HK2: variants seen among roughly 807,000 people sequenced by gnomAD.
The protein encoded by HK2 is hexokinase-2.
HK2 carries 42 observed loss-of-function variants against 92.9 expected under a neutral mutation model. The observed-to-expected ratio is 0.45, with a 90% confidence interval of 0.35 to 0.58. HK2 has a LOEUF of 0.58. Ranked by LOEUF, HK2 falls within the 20% of genes least tolerant of loss-of-function variation. HK2 has a pLI of 0.00. For synonymous variants in HK2, 422 were observed against 468.0 expected (o/e 0.90, Z 1.27); for missense variants, 978 against 1,245.1 (o/e 0.79, Z 3.23).
chr2:74,878,890 G>A lies in HK2; in HGVS notation c.1234G>A (p.Val412Ile), dbSNP rs1573385648. Residue 412 changes from valine to isoleucine, a missense_variant, in exon 9 of 18, where the codon GTC (valine) becomes ATC (isoleucine). By Grantham distance (29) the Val-to-Ile change is conservative. Transcript: ENST00000290573. Reference protein sequence around the residue: ...GEERLRSTIGVDGSVYKKHPH... With the variant: ...GEERLRSTIGIDGSVYKKHPH... The stretch of plus-strand genomic sequence containing the variant: ...GGAGCGGCTGCGCTCTACTATTGGG[G>A]TCGACGGTTCCGTCTACAAGAAACA... The A allele has an allele frequency of 6.4e-7, 1 of 1,551,604 alleles. No individual in the cohort carries two copies. Among genetic ancestry groups the A allele is most frequent in the Non-Finnish European group, 8.7e-7 (1 of 1,147,090 alleles).
At position 74,834,764 on chromosome 2, in the gene HK2, A is replaced by G; in HGVS notation, c.63+121A>G. On this transcript the variant is annotated intron_variant, in intron 1 of 17. Coordinates refer to ENST00000290573, the MANE Select transcript of HK2 (RefSeq NM_000189.5). This position sits in a 1 kb window ranked among gnomAD's most constrained non-coding sequence, Gnocchi z 4.2. ...CCTACTCCGGGCCTGGGAGCGGAAA[A>G]AGTTTGGGCAGCCGGGACACTCCTG... is the stretch of plus-strand genomic sequence containing the variant. 11 of 1,083,984 alleles carry G rather than the reference A, an allele frequency of 1.0e-5. No individual in the cohort carries two copies. Among genetic ancestry groups the G allele is most frequent in the Non-Finnish European group, 1.5e-5 (11 of 714,190 alleles). 67.1% of individuals were successfully genotyped at this position (1,083,984 alleles called of 1,614,324 possible).
At chr2:74,841,817 T>C (rs970401802) in intron 1 of HK2, among the ~76,000 whole-genome samples, 29 of 152,226 alleles carry the variant, frequency 1.9e-4, no homozygotes, top group African/African-American at 7.0e-4. Flanking sequence ...TGCTGTAGTT[T>C]CCATGGAGGC....
At chr2:74,857,361 T>C (rs777911400) in intron 2 of HK2, among the ~76,000 whole-genome samples, 1 of 152,236 alleles carries the variant, frequency 6.6e-6, no homozygotes, top group Non-Finnish European at 1.5e-5. Context: ...CATTGGATGG[T>C]GTCTTAGTTC....
intron 1 of HK2, among the ~76,000 whole-genome samples, chr2:74,850,878 AG>A (rs1436791282): frequency 6.6e-6 from 1 of 152,164 alleles, no homozygotes; most frequent in Non-Finnish European, 1.5e-5. Context: ...GGCCCTAATA[AG>A]CTGAGTGGAC....
At chr2:74,859,088 CCAAA>C (rs1300869549) in intron 2 of HK2, among the ~76,000 whole-genome samples, 2 of 152,196 alleles carry the variant, frequency 1.3e-5, no homozygotes, top group East Asian at 1.9e-4. Context: ...TGCTTCTTTC[CCAAA>C]CAGTTTTAAG....
rs375833778 is a variant in HK2, at chr2:74,869,128, A to C, written c.375+1344A>C. Among the ~76,000 whole-genome samples the C allele has an allele frequency of 3.2e-4, 48 of 152,306 alleles. 1 individual carries two copies. The highest frequency in any genetic ancestry group is 9.8e-4 in the Admixed American group (15 of 15,304). On this transcript the variant is annotated intron_variant, in intron 3 of 17. Coordinates refer to ENST00000290573, the MANE Select transcript of HK2 (RefSeq NM_000189.5). ...AACAGTATAGTCCGGATTAAAAAAA[A>C]AAACAACTATGAGACCCACCTTGAA...
At chr2:74,884,627 G>A (rs906224701) in intron 12 of HK2, among the ~76,000 whole-genome samples, 6 of 152,216 alleles carry the variant, frequency 3.9e-5, no homozygotes, top group African/African-American at 1.4e-4. Context: ...GAAATGCCAA[G>A]CTGATGGGCA....
intron 1 of HK2, among the ~76,000 whole-genome samples, chr2:74,847,281 A>G (rs994039601): frequency 6.6e-6 from 1 of 152,160 alleles, no homozygotes; most frequent in Non-Finnish European, 1.5e-5. Context: ...TTCATGTATT[A>G]TGTATTTTCT....
Position 74,889,314 on chromosome 2 carries a change from C to T in HK2, c.2445C>T (p.Asp815=). ...TAGGGCTTGAGAGCACCTGTGACGA[C>T]AGCATCATTGTTAAGGAGGTGTGCA... ...QHLGLESTCD[D]SIIVKEVCTV... The change falls in exon 17 of 18, where the codon GAC becomes GAT. Residue 815 remains aspartate (D), a synonymous_variant. Transcript: ENST00000290573. The T allele has an allele frequency of 6.2e-7, 1 of 1,614,240 alleles. No homozygotes were observed. The highest frequency in any genetic ancestry group is 8.5e-7 in the Non-Finnish European group (1 of 1,180,042).
At chr2:74,842,081 A>G (rs1336170429) in intron 1 of HK2, among the ~76,000 whole-genome samples, 1 of 152,244 alleles carries the variant, frequency 6.6e-6, no homozygotes, top group Non-Finnish European at 1.5e-5. Context: ...TCTTTTCCCT[A>G]TAAAATGCAA....
rs756441460 is a variant in HK2, at chr2:74,834,743, C to T, written c.63+100C>T. ...CCTGCGGGGACCCGCTTCCTCCCTACTCCGGGCCTGGGAGCGGAAAAAGTT... is the reference window on the plus strand; with the variant it reads ...CCTGCGGGGACCCGCTTCCTCCCTATTCCGGGCCTGGGAGCGGAAAAAGTT... On this transcript the variant is annotated intron_variant, in intron 1 of 17. Transcript: ENST00000290573. The surrounding 1 kb of genome is among the most constrained non-coding windows in gnomAD (Gnocchi z 4.2). The T allele has an allele frequency of 3.6e-6, 5 of 1,381,380 alleles. No homozygotes were observed. The highest frequency in any genetic ancestry group is 1.4e-5 in the African/African-American group (1 of 70,036). 85.6% of individuals were successfully genotyped at this position (1,381,380 alleles called of 1,614,324 possible). A position where few individuals can be genotyped will look rare whatever the true frequency, so the allele number is the denominator to read the frequency against.
Position 74,886,305 on chromosome 2 carries a change from G to GGATGTGGTT in HK2, c.1949_1957dup (p.Asp650_Val652dup). 1.2e-6 allele frequency: 2 copies of GGATGTGGTT among 1,614,132 alleles called. No individual in the cohort carries two copies. The highest frequency in any genetic ancestry group is 8.5e-7 in the Non-Finnish European group (1 of 1,179,978). On this transcript the variant is annotated inframe_insertion, in exon 14 of 18. Transcript: ENST00000290573. ...TTCTTCCCTCTCAGGAGTTTGACCT[G>GGATGTGGTT]GATGTGGTTGCTGTGGTGAACGACA...
chr2:74,884,774 G>C (rs1226855446), intron 12 of HK2, among the ~76,000 whole-genome samples: 1 of 152,232 alleles, frequency 6.6e-6, no homozygotes, highest in Admixed American at 6.5e-5. Context: ...TGGCAGCAGA[G>C]AGGGCATCAG....
At chr2:74,878,502 C>A (rs1291394921) in intron 8 of HK2, among the ~76,000 whole-genome samples, 186 bp from the exon 9 acceptor site, 1 of 151,252 alleles carries the variant, frequency 6.6e-6, no homozygotes. Context: ...GGTGGCTGTG[C>A]TATATTTTGC....
intron 6 of HK2, 32 bp downstream of exon 6, chr2:74,873,975 C>G: frequency 2.0e-6 from 3 of 1,521,992 alleles, no homozygotes; most frequent in Non-Finnish European, 2.7e-6. Context: ...AGGGCCCGTG[C>G]TGGCCAAGGG....
chr2:74,836,867 A>G (rs906347135), intron 1 of HK2, among the ~76,000 whole-genome samples: 3 of 151,944 alleles, frequency 2.0e-5, no homozygotes, highest in Admixed American at 6.6e-5. Flanking sequence ...TTTGATTTGG[A>G]CCCTTCTGAA....
chr2:74,889,546 CTCTT>C (rs1363588837), intron 17 of HK2, 68 bp downstream of exon 17: 4 of 1,069,150 alleles, frequency 3.7e-6, no homozygotes, highest in Admixed American at 2.0e-5. Flanking sequence ...TTTTCTTTCT[CTCTT>C]TCCTTTGTTA....
At chr2:74,876,414 T>C (rs1488583627) in intron 7 of HK2, among the ~76,000 whole-genome samples, 1 of 152,172 alleles carries the variant, frequency 6.6e-6, no homozygotes, top group Non-Finnish European at 1.5e-5. Context: ...CAGGGCTTGG[T>C]TTCCTCTCAG....
rs1402853460 is a variant in HK2, at chr2:74,846,375, G to A, written c.64-7918G>A. Among the ~76,000 whole-genome samples the A allele has an allele frequency of 2.0e-5, 3 of 152,124 alleles. No individual in the cohort carries two copies. In the East Asian group the frequency reaches 5.8e-4, roughly 29 times the overall value. On this transcript the variant is annotated intron_variant, in intron 1 of 17. Coordinates refer to ENST00000290573, the MANE Select transcript of HK2 (RefSeq NM_000189.5). ...TAATGCACATGGGAAACTGAAAGCA[G>A]CAGGTAACCACCATCCAGATCCAGT...
Sources: gnomAD v4.1 joint callset for allele counts (sites outside exome capture counted in the v4.1 genomes callset) on GRCh38, gnomAD v4.1.1 for gene constraint, Gnocchi (gnomAD v3.1) non-coding constraint, MANE v1.5 for transcripts, NCBI Gene and HGNC (gene_info 2026-07-23, HGNC 2026-07-21) for gene names.